The following MYO5C variants were observed in gnomAD, a reference collection of about 807,000 sequenced individuals.
The protein encoded by MYO5C is myosin VC.
Under a neutral mutation model 235.7 loss-of-function variants are expected in MYO5C, and 194 were observed. The ratio of observed to expected loss-of-function variants is 0.82; its 90% CI spans 0.73 to 0.93. The LOEUF is 0.93. Ranked by LOEUF, MYO5C falls within the 40% of genes least tolerant of loss-of-function variation. The pLI, the probability that MYO5C is intolerant of heterozygous loss-of-function variation, is 0.00. For synonymous variants in MYO5C, 707 were observed against 754.8 expected (o/e 0.94, Z 1.04); for missense variants, 2,038 against 2,127.2 (o/e 0.96, Z 0.82).
intron 19 of MYO5C, 56 bp downstream of exon 19, chr15:52,244,300 G>A (rs2036291064): frequency 1.3e-6 from 2 of 1,553,136 alleles, no homozygotes; most frequent in African/African-American, 1.4e-5. Context: ...CCCCGCCGGA[G>A]ATGATCAGCA....
intron 32 of MYO5C, 47 bp from the exon 33 acceptor site, chr15:52,214,737 T>C: frequency 1.6e-6 from 2 of 1,279,680 alleles, no homozygotes; most frequent in Non-Finnish European, 2.1e-6. Flanking sequence ...AGCACTTTAA[T>C]CTATTTTTTT....
intron 13 of MYO5C, among the ~76,000 whole-genome samples, chr15:52,249,210 A>C (rs1487910889): frequency 2.0e-5 from 3 of 152,092 alleles, no homozygotes; most frequent in Non-Finnish European, 4.4e-5. Flanking sequence ...GGATAGAAAA[A>C]CCGACCAGCT....
intron 25 of MYO5C, among the ~76,000 whole-genome samples, chr15:52,227,558 G>C (rs1322618582): frequency 1.3e-5 from 2 of 152,004 alleles, no homozygotes; most frequent in Non-Finnish European, 2.9e-5. Context: ...AAGAGGAAGT[G>C]AGTGACACCT....
At chr15:52,226,155 C>T (rs1230231669) in intron 25 of MYO5C, among the ~76,000 whole-genome samples, 3 of 151,846 alleles carry the variant, frequency 2.0e-5, no homozygotes, top group Admixed American at 6.6e-5. Flanking sequence ...GGTAAAATCA[C>T]GGGCTAAAAT....
At chr15:52,237,922 C>G (rs1398898041) in intron 21 of MYO5C, among the ~76,000 whole-genome samples, 1 of 151,496 alleles carries the variant, frequency 6.6e-6, no homozygotes, top group Non-Finnish European at 1.5e-5. Flanking sequence ...GAACTGTGCC[C>G]CCCGCCAAAA....
intron 8 of MYO5C, 102 bp from the exon 9 acceptor site, chr15:52,264,398 A>G (rs1027226176): frequency 3.3e-6 from 3 of 922,208 alleles, no homozygotes; most frequent in Non-Finnish European, 5.0e-6. Flanking sequence ...CATCAGTGCC[A>G]AGCTCTGGGA....
At chr15:52,208,243 C>T (rs2035365605) in intron 36 of MYO5C, among the ~76,000 whole-genome samples, 1 of 152,234 alleles carries the variant, frequency 6.6e-6, no homozygotes, top group African/African-American at 2.4e-5. Context: ...TGTGAAGAAA[C>T]AGGCATTTTA....
intron 38 of MYO5C, among the ~76,000 whole-genome samples, chr15:52,201,125 T>A (rs2035178437): frequency 6.6e-6 from 1 of 152,124 alleles, no homozygotes; most frequent in Non-Finnish European, 1.5e-5. Context: ...AGACAAAATA[T>A]CTGAAAAAAC....
chr15:52,199,594 AAG>A (rs1259767087), intron 38 of MYO5C, among the ~76,000 whole-genome samples: 1 of 142,784 alleles, frequency 7.0e-6, no homozygotes, highest in East Asian at 2.0e-4. Context: ...AATGCCAACA[AAG>A]AGCTCCAGGG....
intron 39 of MYO5C, among the ~76,000 whole-genome samples, chr15:52,195,781 A>G (rs1452323160): frequency 1.3e-5 from 2 of 151,724 alleles, no homozygotes; most frequent in East Asian, 3.9e-4. Context: ...ACATTTGTGT[A>G]TATGTGTGTG....
At chr15:52,264,444 C>A (rs1367326439) in intron 8 of MYO5C, 148 bp from the exon 9 acceptor site, 2 of 643,298 alleles carry the variant, frequency 3.1e-6, no homozygotes, top group Admixed American at 2.7e-5. Context: ...GCATCTGGGG[C>A]ACTGTTCCTT....
chr15:52,295,670 C>A lies in MYO5C; in HGVS notation c.-34G>T, dbSNP rs983953093. 2 of 1,393,066 alleles carry A rather than the reference C, an allele frequency of 1.4e-6. No homozygotes were observed. The highest frequency in any genetic ancestry group is 3.2e-5 in the South Asian group (2 of 63,358). The allele number at this position is 1,393,066 out of a possible 1,614,324, so 86.3% of individuals were successfully genotyped here. On this transcript the variant is annotated 5_prime_UTR_variant, in exon 1 of 41. Coordinates refer to ENST00000261839, the MANE Select transcript of MYO5C (RefSeq NM_018728.4). ...GGGGCCGGGGCCAGGCCGGGGCTGC[C>A]GAACGTGCGAGGCTCGGGGGCTGGG...
intron 11 of MYO5C, among the ~76,000 whole-genome samples, chr15:52,254,685 A>T (rs1356547049): frequency 6.6e-6 from 1 of 152,000 alleles, no homozygotes; most frequent in African/African-American, 2.4e-5. Flanking sequence ...GTGGAAGAGG[A>T]AGAAGAACAG....
At chr15:52,240,768 A>C (rs1236820007) in intron 20 of MYO5C, among the ~76,000 whole-genome samples, 1 of 152,100 alleles carries the variant, frequency 6.6e-6, no homozygotes, top group Non-Finnish European at 1.5e-5. Context: ...TTAAAAGGTG[A>C]TTCCAGGAGT....
intron 4 of MYO5C, chr15:52,278,057 A>G (rs1395704689): frequency 9.3e-6 from 4 of 431,716 alleles, no homozygotes; most frequent in East Asian, 7.0e-5. Flanking sequence ...AAGTCAGTCA[A>G]CTTCACAGGA....
intron 8 of MYO5C, 117 bp downstream of exon 8, chr15:52,269,636 C>T (rs2036877973): frequency 1.5e-6 from 1 of 666,020 alleles, no homozygotes; most frequent in South Asian, 1.9e-5. Context: ...TGTGATCCGC[C>T]CACCTCAGCC....
Position 52,281,749 on chromosome 15 carries a change from T to C in MYO5C, c.138+1033A>G, listed in dbSNP as rs1200917846. Among the ~76,000 whole-genome samples the C allele has an allele frequency of 2.0e-5, 3 of 152,232 alleles. No individual in the cohort carries two copies. In the East Asian group the frequency reaches 5.8e-4, roughly 29 times the overall value. On this transcript the variant is annotated intron_variant, in intron 2 of 40. Coordinates refer to ENST00000261839, the MANE Select transcript of MYO5C (RefSeq NM_018728.4). ...CATCTGATTCTAGAGGGTGTGTCTT[T>C]AACCGCTGTGTTCATCTGCCTTCCC...
chr15:52,251,749 C>T (rs535480106), intron 12 of MYO5C, among the ~76,000 whole-genome samples: 1 of 152,194 alleles, frequency 6.6e-6, no homozygotes, highest in African/African-American at 2.4e-5. Context: ...ACTGCAACCT[C>T]TGCCTCCTGG....
At position 52,196,431 on chromosome 15, in the gene MYO5C, T is replaced by G; in HGVS notation, c.4873A>C (p.Ser1625Arg). The change falls in exon 39 of 41, where the codon AGC (serine) becomes CGC (arginine). Residue 1625 changes from serine to arginine, a missense_variant. Ser to Arg is a moderately radical substitution (Grantham distance 110, BLOSUM62 -1). Coordinates refer to ENST00000261839, the MANE Select transcript of MYO5C (RefSeq NM_018728.4). ...EWLKDKNLQN[S>R]LAKETLEPLS... The stretch of plus-strand genomic sequence containing the variant: ...GGCTCCAAAGTTTCCTTTGCTAAGC[T>G]GTTCTGCAAGTTCTTATCTTTAAGC... 6.2e-7 allele frequency: 1 copy of G among 1,614,206 alleles called. No individual in the cohort carries two copies. Among genetic ancestry groups the G allele is most frequent in the African/African-American group, 1.3e-5 (1 of 75,056 alleles).
Sources: allele counts gnomAD v4.1 joint callset (sites outside exome capture counted in the v4.1 genomes callset), GRCh38; gene constraint gnomAD v4.1.1; transcripts MANE v1.5; gene names NCBI Gene and HGNC (gene_info 2026-07-23, HGNC 2026-07-21).